The following OR56A3 variants were observed in gnomAD, a reference collection of about 807,000 sequenced individuals.
The protein encoded by OR56A3 is olfactory receptor family 56 subfamily A member 3.
OR56A3 carries 23 observed loss-of-function variants against 17.5 expected under a neutral mutation model. The ratio of observed to expected loss-of-function variants is 1.32; its 90% CI spans 0.95 to 1.87. OR56A3 has a LOEUF of 1.87. Among genes scored for constraint, OR56A3 ranks in the 40% most tolerant of loss-of-function variants. The pLI, the probability that OR56A3 is intolerant of heterozygous loss-of-function variation, is 0.00. For missense variants in OR56A3, 366 were observed against 380.1 expected (o/e 0.96, Z 0.31); for synonymous variants, 175 against 150.6 (o/e 1.16, Z -1.19).
chr11:6,010,543 A>T, the OR56A3 span, among the ~76,000 whole-genome samples: 1 of 152,208 alleles, frequency 6.6e-6, no homozygotes, highest in African/African-American at 2.4e-5. Context: ...TAAAAGTGTC[A>T]TCTTAAAAGC....
At chr11:5,967,292 T>C in the OR56A3 span, 1 of 423,524 alleles carries the variant, frequency 2.4e-6, no homozygotes, top group African/African-American at 2.0e-5. Flanking sequence ...CCAGTGATTA[T>C]GGCTTGTCAA....
chr11:5,986,644 G>C, the OR56A3 span: 3 of 1,613,916 alleles, frequency 1.9e-6, no homozygotes, highest in South Asian at 3.3e-5. Context: ...GGCTTTGGGT[G>C]CAGTGGAGGA....
chr11:5,959,001 A>G, the OR56A3 span, among the ~76,000 whole-genome samples: 1 of 152,224 alleles, frequency 6.6e-6, no homozygotes, highest in Non-Finnish European at 1.5e-5. Flanking sequence ...TTAAATATAC[A>G]TACCACATTT....
At chr11:5,951,360 A>C (rs1315840536), downstream of OR56A3, 1 of 152,092 alleles carries the variant, frequency 6.6e-6, no homozygotes, top group African/African-American at 2.4e-5. Context: ...ACACACATAG[A>C]TCTGAGTATT....
the OR56A3 span, among the ~76,000 whole-genome samples, chr11:5,965,126 C>T: frequency 5.3e-4 from 80 of 152,222 alleles, 1 homozygote; most frequent in African/African-American, 1.9e-3. Flanking sequence ...AATCCTATTC[C>T]AATATTTTGC....
intron 2 of OR56A3, 107 bp from the exon 3 acceptor site, chr11:5,947,204 G>A: frequency 4.3e-6 from 3 of 701,290 alleles, no homozygotes; most frequent in South Asian, 3.9e-5. Context: ...GAATTCGCTT[G>A]GCTCTACATA....
the OR56A3 span, chr11:5,994,507 T>G: frequency 2.4e-6 from 2 of 835,158 alleles, no homozygotes; most frequent in Non-Finnish European, 4.1e-6. Flanking sequence ...GGCCTTTTAC[T>G]TCCTTTTCAT....
the OR56A3 span, among the ~76,000 whole-genome samples, chr11:5,980,721 T>A: frequency 6.6e-6 from 1 of 152,122 alleles, no homozygotes; most frequent in Admixed American, 6.5e-5. Flanking sequence ...TCCTATCGTG[T>A]TTTTAGTTGG....
At chr11:6,014,211 G>A in the OR56A3 span, among the ~76,000 whole-genome samples, 2 of 152,102 alleles carry the variant, frequency 1.3e-5, no homozygotes, top group Non-Finnish European at 2.9e-5. Flanking sequence ...AAGCCACTGA[G>A]AAAAAAACAC....
the OR56A3 span, among the ~76,000 whole-genome samples, chr11:6,008,793 G>A: frequency 6.6e-6 from 1 of 151,756 alleles, no homozygotes; most frequent in East Asian, 1.9e-4. Context: ...CATCTTAGAG[G>A]GAGACCAAAA....
the OR56A3 span, among the ~76,000 whole-genome samples, chr11:5,978,509 A>C: frequency 5.9e-5 from 9 of 151,548 alleles, no homozygotes; most frequent in African/African-American, 9.7e-5. Context: ...CTTGGTTCTC[A>C]GCTTGGATAG....
the OR56A3 span, among the ~76,000 whole-genome samples, chr11:5,972,775 C>T: frequency 2.0e-5 from 3 of 152,124 alleles, no homozygotes; most frequent in Non-Finnish European, 4.4e-5. Flanking sequence ...ATTACAGGCG[C>T]CTGCCACCAC....
the OR56A3 span, chr11:5,968,458 A>G: frequency 6.4e-7 from 1 of 1,565,702 alleles, no homozygotes; most frequent in South Asian, 1.2e-5. Context: ...AAGAATTCAA[A>G]GACTGGGGAA....
chr11:5,985,137 C>G, the OR56A3 span, among the ~76,000 whole-genome samples: 9,325 of 152,080 alleles, frequency 0.061, 424 homozygotes, highest in Middle Eastern at 0.086. Flanking sequence ...CTATGTTTAC[C>G]AACACCGGGA....
At chr11:5,999,485 C>T in the OR56A3 span, 1 of 152,186 alleles carries the variant, frequency 6.6e-6, no homozygotes, top group African/African-American at 2.4e-5. Flanking sequence ...CCAAAGTTCA[C>T]AAAAGCGGAG....
chr11:6,011,280 A>T, the OR56A3 span, among the ~76,000 whole-genome samples: 1 of 151,474 alleles, frequency 6.6e-6, no homozygotes, highest in Admixed American at 6.6e-5. Context: ...GTCTGCCATG[A>T]AAAGGAAGTC....
At chr11:6,015,418 G>T in the OR56A3 span, among the ~76,000 whole-genome samples, 1 of 152,236 alleles carries the variant, frequency 6.6e-6, no homozygotes, top group African/African-American at 2.4e-5. Flanking sequence ...ATATGGGGTT[G>T]GAGCCTCGCA....
chr11:6,007,618 A>G, the OR56A3 span, among the ~76,000 whole-genome samples: 1 of 152,102 alleles, frequency 6.6e-6, no homozygotes, highest in Non-Finnish European at 1.5e-5. Context: ...GAAAGGAGGG[A>G]AGAGAAAGAA....
the OR56A3 span, among the ~76,000 whole-genome samples, chr11:6,018,566 A>G: frequency 6.6e-6 from 1 of 152,128 alleles, no homozygotes; most frequent in Non-Finnish European, 1.5e-5. Flanking sequence ...AGAAAAGTTT[A>G]TAGCAGTAAA....
Sources: gnomAD v4.1 joint callset for allele counts (sites outside exome capture counted in the v4.1 genomes callset) on GRCh38, gnomAD v4.1.1 for gene constraint, MANE v1.5 for transcripts, NCBI Gene and HGNC (gene_info 2026-07-23, HGNC 2026-07-21) for gene names.